ACOT12: variants seen among roughly 807,000 people sequenced by gnomAD.
The protein encoded by ACOT12 is acetyl-coenzyme A thioesterase.
Under a neutral mutation model 67.7 loss-of-function variants are expected in ACOT12, and 51 were observed. That is an observed-to-expected ratio of 0.75 (90% CI 0.60 to 0.95). The LOEUF (loss-of-function observed/expected upper bound fraction) is 0.95, where lower values mean the gene tolerates loss of function less well. Ranked by LOEUF, ACOT12 falls within the 40% of genes least tolerant of loss-of-function variation. The probability of loss-of-function intolerance (pLI) is 0.00; values close to 1 mark genes in which losing one functional copy is unlikely to be tolerated. For missense variants in ACOT12, 734 were observed against 708.1 expected (o/e 1.04, Z -0.41); for synonymous variants, 251 against 244.6 (o/e 1.03, Z -0.24).
At chr5:81,343,945 A>C in intron 9 of ACOT12, 64 bp from the exon 10 acceptor site, 1 of 1,435,668 alleles carries the variant, frequency 7.0e-7, no homozygotes, top group South Asian at 1.2e-5. Flanking sequence ...CACAACAATA[A>C]CCATAATACT....
At chr5:81,375,376 A>C (rs1760380625) in intron 2 of ACOT12, among the ~76,000 whole-genome samples, 1 of 152,178 alleles carries the variant, frequency 6.6e-6, no homozygotes, top group Non-Finnish European at 1.5e-5. Flanking sequence ...GGTACCAGCC[A>C]CTCCAAAAAC....
rs537441849 is a variant in ACOT12, at chr5:81,351,783, A to G, written c.497-3853T>C. ...TCACATCAAGTTAAAAAGCATCTGC[A>G]CAGCAAAGAAAACAATCAACAAAGT... On this transcript the variant is annotated intron_variant, in intron 5 of 14. Coordinates refer to ENST00000307624, the MANE Select transcript of ACOT12 (RefSeq NM_130767.3). Among the ~76,000 whole-genome samples the G allele has an allele frequency of 3.5e-4, 53 of 152,348 alleles. No homozygotes were observed. In the South Asian group the frequency reaches 0.011, roughly 31 times the overall value.
chr5:81,334,131 C>T (rs1484478538), intron 12 of ACOT12, among the ~76,000 whole-genome samples: 3 of 152,168 alleles, frequency 2.0e-5, no homozygotes, highest in South Asian at 4.1e-4. Context: ...GGCTCCCCAT[C>T]CATCTTGCTA....
intron 1 of ACOT12, among the ~76,000 whole-genome samples, chr5:81,393,584 G>A (rs1760918467): frequency 6.6e-6 from 1 of 152,084 alleles, no homozygotes; most frequent in Non-Finnish European, 1.5e-5. Context: ...GGGCCTGGTG[G>A]CGTGCGTCTG....
At chr5:81,317,370 T>C in the ACOT12 span, among the ~76,000 whole-genome samples, 2 of 151,890 alleles carry the variant, frequency 1.3e-5, no homozygotes, top group African/African-American at 4.8e-5. Context: ...GGCGCAGTGG[T>C]GGGCACATGT....
chr5:81,393,081 A>C (rs1760905696), intron 1 of ACOT12, among the ~76,000 whole-genome samples: 1 of 152,214 alleles, frequency 6.6e-6, no homozygotes, highest in African/African-American at 2.4e-5. Flanking sequence ...TCCTTAATAA[A>C]TGTTTTTGCC....
chr5:81,360,065 T>C, intron 4 of ACOT12, 27 bp from the exon 5 acceptor site: 1 of 1,582,950 alleles, frequency 6.3e-7, no homozygotes, highest in Non-Finnish European at 8.5e-7. Flanking sequence ...ATTTATCTTT[T>C]ATTGCCTTGT....
Position 81,330,893 on chromosome 5 carries a change from G to C in ACOT12, c.1439C>G (p.Pro480Arg), listed in dbSNP as rs1298887948. Residue 480 changes from proline (P) to arginine (R), a missense_variant, in exon 14 of 15, where the codon CCC becomes CGC. Physicochemically the swap from Pro to Arg is moderately radical, Grantham distance 103. Coordinates refer to ENST00000307624, the MANE Select transcript of ACOT12 (RefSeq NM_130767.3). ...ACTTCTGATGTACTGTGGAGACGGG[G>C]GGACCGATGGCAAAATGACCGACTT... ...AVKSVILPSV[P>R]PSPQYIRSEI... 2 of 1,613,034 alleles carry C rather than the reference G, an allele frequency of 1.2e-6. No homozygotes were observed. The highest frequency in any genetic ancestry group is 3.3e-5 in the Admixed American group (2 of 59,812).
At chr5:81,343,676 T>G in intron 10 of ACOT12, 142 bp downstream of exon 10, 1 of 787,388 alleles carries the variant, frequency 1.3e-6, no homozygotes, top group East Asian at 2.8e-5. Context: ...CTGGTTTTGT[T>G]TCATCTTGAC....
chr5:81,329,220 T>C (rs547782164), downstream of ACOT12, among the ~76,000 whole-genome samples: 10 of 152,336 alleles, frequency 6.6e-5, no homozygotes, highest in South Asian at 1.2e-3. Context: ...GTCTCAATTG[T>C]AGGTGAGGTC....
the ACOT12 span, among the ~76,000 whole-genome samples, chr5:81,315,500 T>C: frequency 6.6e-6 from 1 of 152,256 alleles, no homozygotes; most frequent in Non-Finnish European, 1.5e-5. Flanking sequence ...ATTTTGATTC[T>C]TGTTCATTGC....
At chr5:81,361,216 T>TC (rs1360826878) in intron 4 of ACOT12, among the ~76,000 whole-genome samples, 1 of 143,680 alleles carries the variant, frequency 7.0e-6, no homozygotes, top group Middle Eastern at 3.4e-3. Context: ...CTGGTTTAAC[T>TC]CCTTTTTTTT....
chr5:81,341,919 C>T (rs865878701), intron 11 of ACOT12, among the ~76,000 whole-genome samples: 50 of 152,202 alleles, frequency 3.3e-4, no homozygotes, highest in African/African-American at 1.2e-3. Context: ...CCATGTAAGG[C>T]TTAAATATTA....
intron 8 of ACOT12, 135 bp downstream of exon 8, chr5:81,344,756 C>T: frequency 8.7e-7 from 1 of 1,150,466 alleles, no homozygotes; most frequent in Non-Finnish European, 1.2e-6. Flanking sequence ...AAAAAGCCCA[C>T]TTCACTTTGT....
the ACOT12 span, among the ~76,000 whole-genome samples, chr5:81,311,026 T>C: frequency 2.0e-5 from 3 of 152,216 alleles, no homozygotes; most frequent in African/African-American, 7.2e-5. Context: ...AATTTAGTGC[T>C]CTGTGAGGTT....
At chr5:81,320,837 A>G in the ACOT12 span, among the ~76,000 whole-genome samples, 3 of 152,188 alleles carry the variant, frequency 2.0e-5, no homozygotes, top group African/African-American at 7.2e-5. Flanking sequence ...AATACTATAA[A>G]CTAAACCAGA....
At chr5:81,326,970 A>G (rs1330549355), downstream of ACOT12, among the ~76,000 whole-genome samples, 1 of 152,140 alleles carries the variant, frequency 6.6e-6, no homozygotes, top group African/African-American at 2.4e-5. Context: ...TTTACTCTAA[A>G]TCACAAGACT....
chr5:81,324,628 ACCT>A, the ACOT12 span, among the ~76,000 whole-genome samples: 1 of 152,224 alleles, frequency 6.6e-6, no homozygotes, highest in Non-Finnish European at 1.5e-5. Context: ...CCCTAGGGTA[ACCT>A]AATATTGAGA....
chr5:81,344,251 A>T, intron 8 of ACOT12, 36 bp from the exon 9 acceptor site: 3 of 1,585,322 alleles, frequency 1.9e-6, no homozygotes, highest in Non-Finnish European at 2.6e-6. Context: ...AATAAAATAA[A>T]ATAAAATATC....
Sources: allele counts gnomAD v4.1 joint callset (sites outside exome capture counted in the v4.1 genomes callset), GRCh38; gene constraint gnomAD v4.1.1; transcripts MANE v1.5; gene names NCBI Gene and HGNC (gene_info 2026-07-23, HGNC 2026-07-21).